R3HCC1L: variants seen among roughly 807,000 people sequenced by gnomAD.
R3HCC1L encodes coiled-coil domain-containing protein R3HCC1L.
A neutral mutation model predicts 59.9 loss-of-function variants in R3HCC1L; 51 were observed. The observed-to-expected ratio is 0.85, with a 90% CI of 0.68 to 1.07. The LOEUF is 1.07. R3HCC1L is among the 50% of genes least tolerant of loss of function. R3HCC1L has a pLI of 0.00. For missense variants in R3HCC1L, 965 were observed against 933.0 expected, an observed-to-expected ratio of 1.03 and a Z score of -0.45; for synonymous variants, 322 against 315.2, an observed-to-expected ratio of 1.02 and a Z score of -0.23.
intron 9 of R3HCC1L, among the ~76,000 whole-genome samples, chr10:98,240,001 C>T (rs1355265487): frequency 6.6e-6 from 1 of 152,160 alleles, no homozygotes; most frequent in Non-Finnish European, 1.5e-5. Context: ...AGCCTAAAAC[C>T]ACATTTTAAA....
chr10:98,165,294 G>A (rs1215161480), intron 4 of R3HCC1L, among the ~76,000 whole-genome samples: 1 of 152,092 alleles, frequency 6.6e-6, no homozygotes, highest in East Asian at 1.9e-4. Flanking sequence ...AACCCTGTAA[G>A]GTTCTATGTT....
At chr10:98,195,069 G>A (rs1851277439) in intron 4 of R3HCC1L, among the ~76,000 whole-genome samples, 1 of 152,186 alleles carries the variant, frequency 6.6e-6, no homozygotes, top group Non-Finnish European at 1.5e-5. Flanking sequence ...GCAACGTTAA[G>A]TGTTCATCAG....
At position 98,163,306 on chromosome 10, in the gene R3HCC1L, CAGAA is replaced by C. The variant is rs1210536420; in HGVS notation, c.-103_-100del. 1.8e-5 allele frequency: 15 copies of C among 820,004 alleles called. No individual in the cohort carries two copies. The highest frequency in any genetic ancestry group is 2.1e-5 in the Non-Finnish European group (12 of 580,052). 50.8% of individuals were successfully genotyped at this position (820,004 alleles called of 1,614,324 possible). On this transcript the variant is annotated 5_prime_UTR_variant, in exon 4 of 10. Coordinates refer to ENST00000298999, the MANE Select transcript of R3HCC1L (RefSeq NM_001351015.2). ...ACTATTTTTCAGGTGAGGCTGCTGT[CAGAA>C]AGGAACTTTTACACAGTTTGCCTTC...
At chr10:98,178,354 T>G (rs560873194) in intron 4 of R3HCC1L, among the ~76,000 whole-genome samples, 21 of 152,206 alleles carry the variant, frequency 1.4e-4, no homozygotes, top group Non-Finnish European at 2.1e-4. Context: ...TTGTCAGGTT[T>G]GTCAAAGATC....
chr10:98,187,922 T>G (rs948690861), intron 4 of R3HCC1L, among the ~76,000 whole-genome samples: 1 of 151,896 alleles, frequency 6.6e-6, no homozygotes, highest in African/African-American at 2.4e-5. Context: ...CAATTTTTTT[T>G]TGTACATATA....
At position 98,193,723 on chromosome 10, in the gene R3HCC1L, G is replaced by A. The variant is rs530615817; in HGVS notation, c.-14-14378G>A. ...TCCAAAATTCAGAATGCTTCAATGA[G>A]CATTTCCCTTGAGTATGACCTTTGA... is the stretch of plus-strand genomic sequence containing the variant. On this transcript the variant is annotated intron_variant, in intron 4 of 9. Transcript: ENST00000298999. Among the ~76,000 whole-genome samples, 6 of 152,258 alleles carry A rather than the reference G, an allele frequency of 3.9e-5. No homozygotes were observed. In the South Asian group the frequency reaches 1.2e-3, roughly 32 times the overall value.
chr10:98,236,265 T>G (rs1464028672), intron 9 of R3HCC1L, 101 bp downstream of exon 9: 6 of 1,460,250 alleles, frequency 4.1e-6, no homozygotes, highest in Non-Finnish European at 5.5e-6. Context: ...TTTTGTCGTT[T>G]CTGTTTCCTA....
intron 1 of R3HCC1L, among the ~76,000 whole-genome samples, chr10:98,150,182 T>C (rs1846007078): frequency 6.6e-6 from 1 of 152,224 alleles, no homozygotes; most frequent in Non-Finnish European, 1.5e-5. Flanking sequence ...TTCTCCAATC[T>C]GTTTCTGAAT....
At chr10:98,146,202 A>G (rs891950135) in intron 1 of R3HCC1L, among the ~76,000 whole-genome samples, 5 of 152,122 alleles carry the variant, frequency 3.3e-5, no homozygotes, top group African/African-American at 1.2e-4. Flanking sequence ...TCTGTTGACA[A>G]ATAATTTGCA....
chr10:98,137,324 A>G (rs909848309), intron 1 of R3HCC1L, among the ~76,000 whole-genome samples: 26 of 152,230 alleles, frequency 1.7e-4, no homozygotes, highest in African/African-American at 6.3e-4. Flanking sequence ...CTGTTTCCTA[A>G]TCTCTCAAAT....
intron 4 of R3HCC1L, among the ~76,000 whole-genome samples, chr10:98,183,958 G>GTTTTTTTT (rs71007380): frequency 0.099 from 12,352 of 124,442 alleles, 753 homozygotes; most frequent in Non-Finnish European, 0.15. Flanking sequence ...TCCTTTTTCG[G>GTTTTTTTT]TTTTTTTTTT....
chr10:98,214,702 T>C (rs1268636242), intron 5 of R3HCC1L, among the ~76,000 whole-genome samples: 1 of 152,210 alleles, frequency 6.6e-6, no homozygotes, highest in African/African-American at 2.4e-5. Context: ...AAAACGTTCT[T>C]ATTCCTATCT....
intron 4 of R3HCC1L, among the ~76,000 whole-genome samples, chr10:98,184,238 A>G (rs1420359442): frequency 1.3e-5 from 2 of 152,062 alleles, no homozygotes; most frequent in Admixed American, 6.6e-5. Context: ...TTGAACTTGC[A>G]TCTCAGAGAA....
At chr10:98,203,498 G>A (rs1852271069) in intron 4 of R3HCC1L, among the ~76,000 whole-genome samples, 1 of 152,188 alleles carries the variant, frequency 6.6e-6, no homozygotes, top group Non-Finnish European at 1.5e-5. Flanking sequence ...CTAGAAGAAT[G>A]AATAGTATGC....
intron 4 of R3HCC1L, among the ~76,000 whole-genome samples, chr10:98,191,341 C>T (rs1850819993): frequency 6.6e-6 from 1 of 152,194 alleles, no homozygotes; most frequent in Admixed American, 6.5e-5. Context: ...TTAATGATTG[C>T]CATTCTAACT....
At chr10:98,194,852 C>G (rs1180707816) in intron 4 of R3HCC1L, among the ~76,000 whole-genome samples, 1 of 152,128 alleles carries the variant, frequency 6.6e-6, no homozygotes, top group Non-Finnish European at 1.5e-5. Context: ...AATTGGAACC[C>G]TTGCACACTG....
intron 4 of R3HCC1L, among the ~76,000 whole-genome samples, chr10:98,163,857 A>G (rs530949092): frequency 6.6e-6 from 1 of 152,370 alleles, no homozygotes; most frequent in Admixed American, 6.5e-5. Context: ...GAATAATGTT[A>G]TTAAATAACT....
At chr10:98,194,371 T>G (rs758023927) in intron 4 of R3HCC1L, among the ~76,000 whole-genome samples, 2 of 152,072 alleles carry the variant, frequency 1.3e-5, no homozygotes, top group Non-Finnish European at 1.5e-5. Context: ...GGGAAAAGCT[T>G]CTTGATATTG....
chr10:98,204,557 G>C (rs1336383546), intron 4 of R3HCC1L, among the ~76,000 whole-genome samples: 2 of 152,144 alleles, frequency 1.3e-5, no homozygotes, highest in Non-Finnish European at 2.9e-5. Context: ...AGTTGCAAAA[G>C]AAATTCATAA....
Sources: gnomAD v4.1 joint callset for allele counts (sites outside exome capture counted in the v4.1 genomes callset) on GRCh38, gnomAD v4.1.1 for gene constraint, MANE v1.5 for transcripts, NCBI Gene and HGNC (gene_info 2026-07-23, HGNC 2026-07-21) for gene names.